OTUD7A: variants seen among roughly 807,000 people sequenced by gnomAD.
OTUD7A encodes OTU deubiquitinase 7A, also known as OTU domain-containing protein 7A.
In OTUD7A, 12 loss-of-function variants were observed where a neutral mutation model predicts 65.7. The ratio of observed to expected loss-of-function variants is 0.18; its 90% CI spans 0.12 to 0.30. The LOEUF (loss-of-function observed/expected upper bound fraction) is 0.30, where lower values mean the gene tolerates loss of function less well. Among genes scored for constraint, OTUD7A ranks in the 10% least tolerant of loss-of-function variants. OTUD7A has a pLI of 1.00. For missense variants in OTUD7A, 1,148 were observed against 1,304.8 expected (o/e 0.88, Z 1.85); for synonymous variants, 641 against 586.3 (o/e 1.09, Z -1.35).
chr15:31,767,118 A>T, intron 1 of OTUD7A: 1 of 1,527,180 alleles, frequency 6.5e-7, no homozygotes, highest in Non-Finnish European at 8.9e-7. Context: ...ATTCTTCTTT[A>T]TTTTTTTTTC....
chr15:31,531,298 C>T (rs1478354274), intron 5 of OTUD7A, among the ~76,000 whole-genome samples: 1 of 151,968 alleles, frequency 6.6e-6, no homozygotes, highest in Non-Finnish European at 1.5e-5. Context: ...GAAGATAGAT[C>T]AGATGTACTT....
At chr15:31,696,966 A>T (rs1316234393) in intron 1 of OTUD7A, among the ~76,000 whole-genome samples, 1 of 151,342 alleles carries the variant, frequency 6.6e-6, no homozygotes, top group East Asian at 1.9e-4. Flanking sequence ...GCCTCTGCTA[A>T]CTTCTTCCCT....
At chr15:31,713,176 AG>A (rs1479044997) in intron 1 of OTUD7A, among the ~76,000 whole-genome samples, 3 of 152,244 alleles carry the variant, frequency 2.0e-5, no homozygotes, top group Non-Finnish European at 4.4e-5. Flanking sequence ...CTTACTTCAC[AG>A]TATACATGAA....
chr15:31,504,405 G>A (rs535201372), intron 8 of OTUD7A, among the ~76,000 whole-genome samples: 4 of 152,306 alleles, frequency 2.6e-5, no homozygotes, highest in Admixed American at 2.0e-4. Flanking sequence ...GACCCTCCCT[G>A]ACCATGCCCA....
intron 1 of OTUD7A, among the ~76,000 whole-genome samples, chr15:31,717,230 C>CT (rs11463989): frequency 0.29 from 43,965 of 151,962 alleles, 6,592 homozygotes; most frequent in African/African-American, 0.35. Flanking sequence ...CAGTCTATCA[C>CT]TTTTTTTCTT....
chr15:31,763,431 T>C (rs768412939), intron 1 of OTUD7A, among the ~76,000 whole-genome samples: 40 of 152,158 alleles, frequency 2.6e-4, no homozygotes, highest in Non-Finnish European at 2.4e-4. Context: ...AATGGCAGAA[T>C]GGAGATAGCA....
chr15:31,811,515 G>A (rs1896415297), intron 1 of OTUD7A, among the ~76,000 whole-genome samples: 1 of 152,028 alleles, frequency 6.6e-6, no homozygotes, highest in Admixed American at 6.6e-5. Context: ...ATGGGTATGT[G>A]TATGACATCT....
intron 1 of OTUD7A, among the ~76,000 whole-genome samples, chr15:31,670,868 G>A (rs59186759): frequency 0.12 from 17,858 of 151,978 alleles, 1,469 homozygotes; most frequent in East Asian, 0.44. Context: ...GGTGGCGGGC[G>A]CCTGTAGTCC....
At chr15:31,604,904 A>T (rs895516563) in intron 3 of OTUD7A, among the ~76,000 whole-genome samples, 2 of 152,162 alleles carry the variant, frequency 1.3e-5, no homozygotes, top group African/African-American at 4.8e-5. Flanking sequence ...GAGGTCCTGC[A>T]TGAGACTCCG....
chr15:31,662,479 T>C (rs1388109294), intron 1 of OTUD7A, among the ~76,000 whole-genome samples: 1 of 152,246 alleles, frequency 6.6e-6, no homozygotes, highest in Non-Finnish European at 1.5e-5. Flanking sequence ...TCTTTATTGA[T>C]GCTTAAGTCC....
chr15:31,525,205 C>A, intron 8 of OTUD7A, among the ~76,000 whole-genome samples: 1 of 152,210 alleles, frequency 6.6e-6, no homozygotes, highest in East Asian at 1.9e-4. Context: ...ACTTAAGACC[C>A]ATCACAGGCA....
At chr15:31,812,082 A>C (rs1896433145) in intron 1 of OTUD7A, among the ~76,000 whole-genome samples, 7 of 152,190 alleles carry the variant, frequency 4.6e-5, no homozygotes. Flanking sequence ...TGGAAGCAGC[A>C]GGGGTTGAGG....
At chr15:31,657,945 G>A (rs777066517) in intron 1 of OTUD7A, among the ~76,000 whole-genome samples, 11 of 152,152 alleles carry the variant, frequency 7.2e-5, no homozygotes, top group Non-Finnish European at 1.5e-4. Context: ...CTAGCCCTTG[G>A]ACAGAATGTC....
chr15:31,734,874 G>T (rs573470057), intron 1 of OTUD7A, among the ~76,000 whole-genome samples: 3 of 151,938 alleles, frequency 2.0e-5, no homozygotes, highest in African/African-American at 7.2e-5. Context: ...GATGCCAAAA[G>T]CAATTGCAAC....
intron 1 of OTUD7A, among the ~76,000 whole-genome samples, chr15:31,830,970 C>G (rs1338924719): frequency 1.3e-5 from 2 of 152,180 alleles, no homozygotes; most frequent in Non-Finnish European, 2.9e-5. Context: ...GCAGGACCAA[C>G]AATGGAACAG....
intron 12 of OTUD7A, among the ~76,000 whole-genome samples, chr15:31,485,081 G>C (rs1214584029): frequency 6.6e-6 from 1 of 152,184 alleles, no homozygotes; most frequent in African/African-American, 2.4e-5. Context: ...ACCCTACTTG[G>C]TCTTGGTCCC....
At chr15:31,537,501 TA>T (rs1255868373) in intron 5 of OTUD7A, among the ~76,000 whole-genome samples, 1 of 152,244 alleles carries the variant, frequency 6.6e-6, no homozygotes, top group African/African-American at 2.4e-5. Flanking sequence ...GTAAGGGCTT[TA>T]ACTGACACTA....
chr15:31,632,893 G>A (rs1348227210), intron 3 of OTUD7A, among the ~76,000 whole-genome samples: 1 of 152,000 alleles, frequency 6.6e-6, no homozygotes, highest in Non-Finnish European at 1.5e-5. Flanking sequence ...AGCAATCAGG[G>A]AGACTCCGTG....
chr15:31,515,340 A>T (rs1012067026), intron 8 of OTUD7A, among the ~76,000 whole-genome samples: 12 of 152,250 alleles, frequency 7.9e-5, no homozygotes, highest in Admixed American at 6.5e-4. Flanking sequence ...GCAGCTACAC[A>T]GGAGGACCCC....
Sources: allele counts gnomAD v4.1 joint callset (sites outside exome capture counted in the v4.1 genomes callset), GRCh38; gene constraint gnomAD v4.1.1; transcripts MANE v1.5; gene names NCBI Gene and HGNC (gene_info 2026-07-23, HGNC 2026-07-21).